Variants in BCAT1 observed in about 807,000 individuals in gnomAD.
BCAT1 encodes the protein branched-chain-amino-acid aminotransferase, cytosolic.
BCAT1 carries 48 observed loss-of-function variants against 52.4 expected under a neutral mutation model. The ratio of observed to expected loss-of-function variants is 0.92; its 90% confidence interval spans 0.73 to 1.16. The LOEUF is 1.16. Among genes scored for constraint, BCAT1 ranks in the 50% most tolerant of loss-of-function variants. The pLI is 0.00. For missense variants in BCAT1, 451 were observed against 457.1 expected, an observed-to-expected ratio of 0.99 and a Z score of 0.12; for synonymous variants, 167 against 161.3, an observed-to-expected ratio of 1.04 and a Z score of -0.27.
At chr12:24,905,653 C>T (rs1943213359) in intron 1 of BCAT1, among the ~76,000 whole-genome samples, 1 of 152,168 alleles carries the variant, frequency 6.6e-6, no homozygotes, top group Non-Finnish European at 1.5e-5. Flanking sequence ...TATTAGTCAG[C>T]AACAGCTGAA....
chr12:24,943,729 A>G lies in BCAT1; in HGVS notation c.6+5198T>C, dbSNP rs554131427. 3.9e-5 allele frequency among the ~76,000 whole-genome samples: 6 copies of G among 152,316 alleles called. No homozygotes were observed. The South Asian group carries it at 6.2e-4, about 16-fold the overall frequency. On this transcript the variant is annotated intron_variant, in intron 1 of 10. Coordinates refer to ENST00000261192, the MANE Select transcript of BCAT1 (RefSeq NM_005504.7). ...GCCGGGAGCGGTGGCTCACGCCTGT[A>G]ATCCCAGCACCTTGGGTGGCCGAGG...
intron 6 of BCAT1, among the ~76,000 whole-genome samples, chr12:24,848,383 TG>T: frequency 6.6e-6 from 1 of 152,344 alleles, no homozygotes; most frequent in South Asian, 2.1e-4. Context: ...TGTGTGGTAC[TG>T]AAAACATTAA....
intron 5 of BCAT1, among the ~76,000 whole-genome samples, chr12:24,856,265 C>T (rs1205769299): frequency 6.6e-6 from 1 of 152,168 alleles, no homozygotes; most frequent in African/African-American, 2.4e-5. Context: ...CCTCTACACA[C>T]CCCACGCTCA....
At chr12:24,931,785 T>A (rs956863438) in intron 1 of BCAT1, among the ~76,000 whole-genome samples, 1 of 152,164 alleles carries the variant, frequency 6.6e-6, no homozygotes, top group Non-Finnish European at 1.5e-5. Flanking sequence ...AACTAGAGCA[T>A]ACGTGCAACA....
In BCAT1 at chr12:24,874,516, T is replaced by A. The variant is rs139183381; in HGVS notation, c.510+4014A>T. On this transcript the variant is annotated intron_variant, in intron 5 of 10. Transcript: ENST00000261192. The stretch of plus-strand genomic sequence containing the variant: ...TATATCAGGGCCTATGGAAGTGAAC[T>A]CAACACTGCCATTAGGATGAAGTTT... Among the ~76,000 whole-genome samples, 1,190 of 152,332 alleles carry A rather than the reference T, an allele frequency of 7.8e-3. 14 individuals are homozygous for A. Among genetic ancestry groups the A allele is most frequent in the African/African-American group, 0.027 (1,106 of 41,572 alleles).
intron 1 of BCAT1, among the ~76,000 whole-genome samples, chr12:24,912,287 G>A (rs192938288): frequency 3.7e-4 from 56 of 152,082 alleles, no homozygotes; most frequent in African/African-American, 1.3e-3. Context: ...GGCCGAGGCG[G>A]GCGGATCACG....
intron 3 of BCAT1, among the ~76,000 whole-genome samples, chr12:24,885,748 A>G (rs1382399369): frequency 6.6e-6 from 1 of 152,200 alleles, no homozygotes; most frequent in Non-Finnish European, 1.5e-5. Flanking sequence ...ACTCATGTGT[A>G]CATGACAAAG....
At chr12:24,829,715 T>C in intron 10 of BCAT1, 108 bp downstream of exon 10, 1 of 919,928 alleles carries the variant, frequency 1.1e-6, no homozygotes, top group East Asian at 2.7e-5. Flanking sequence ...TTGTATTATT[T>C]AATCCTCTTC....
chr12:24,855,306 T>TAAAAAAAAAAA, intron 5 of BCAT1, among the ~76,000 whole-genome samples: 1 of 108,290 alleles, frequency 9.2e-6, no homozygotes, highest in African/African-American at 3.4e-5. Flanking sequence ...CAGGAGCAGT[T>TAAAAAAAAAAA]AAAAAAAAAA....
intron 5 of BCAT1, among the ~76,000 whole-genome samples, chr12:24,867,314 A>G (rs928432589): frequency 6.7e-6 from 1 of 149,238 alleles, no homozygotes; most frequent in African/African-American, 2.5e-5. Flanking sequence ...ATACGCTACC[A>G]TGTTTTACAG....
At chr12:24,830,227 T>G in intron 9 of BCAT1, 1 of 194,162 alleles carries the variant, frequency 5.2e-6, no homozygotes, top group South Asian at 1.9e-4. Flanking sequence ...TAAAGAACCC[T>G]ACCTCTTCCA....
chr12:24,830,187 G>A, intron 9 of BCAT1: 1 of 273,062 alleles, frequency 3.7e-6, no homozygotes, highest in Non-Finnish European at 6.8e-6. Context: ...CCAAGGAGGA[G>A]CTACAGTTAC....
At chr12:24,873,781 T>C (rs911425734) in intron 5 of BCAT1, among the ~76,000 whole-genome samples, 1 of 152,206 alleles carries the variant, frequency 6.6e-6, no homozygotes, top group African/African-American at 2.4e-5. Context: ...TTTTGGAGTA[T>C]TCTGAATTTC....
At chr12:24,856,000 T>C (rs1941669609) in intron 5 of BCAT1, among the ~76,000 whole-genome samples, 1 of 152,176 alleles carries the variant, frequency 6.6e-6, no homozygotes, top group Admixed American at 6.5e-5. Context: ...TGGATTTACC[T>C]GTAACCTGTA....
chr12:24,899,820 C>T (rs1943048626), intron 2 of BCAT1, among the ~76,000 whole-genome samples: 1 of 145,214 alleles, frequency 6.9e-6, no homozygotes, highest in African/African-American at 2.5e-5. Flanking sequence ...CATGTTCTCA[C>T]TCATACGTGA....
chr12:24,848,621 A>G (rs1202408656), intron 6 of BCAT1, among the ~76,000 whole-genome samples: 1 of 152,192 alleles, frequency 6.6e-6, no homozygotes, highest in Non-Finnish European at 1.5e-5. Context: ...TTTACTCTCT[A>G]TATATGGTAT....
rs3044287 is a variant in BCAT1, at chr12:24,892,059, TTTTTG to T, written c.279+2211_279+2215del. Among the ~76,000 whole-genome samples the T allele has an allele frequency of 6.0e-3, 874 of 144,550 alleles. 3 individuals carry two copies. Among genetic ancestry groups the T allele is most frequent in the African/African-American group, 0.02 (783 of 39,336 alleles). 94.8% of individuals were successfully genotyped at this position (144,550 alleles called of 152,430 possible). A position where few individuals can be genotyped will look rare whatever the true frequency, so the allele number is the denominator to read the frequency against. ...GGCGTGAGCCACCTCGCCTGGCCGT[TTTTTG>T]TTTTGTTTTGTTTTGTTTTGTTTTG... is the stretch of plus-strand genomic sequence containing the variant. On this transcript the variant is annotated intron_variant, in intron 3 of 10. Coordinates refer to ENST00000261192, the MANE Select transcript of BCAT1 (RefSeq NM_005504.7).
chr12:24,834,508 G>C (rs761571972), intron 8 of BCAT1: 58 of 975,754 alleles, frequency 5.9e-5, no homozygotes, highest in Non-Finnish European at 6.7e-5. Context: ...TTTGAATAAA[G>C]GGCAATAAAA....
At chr12:24,911,280 A>G (rs1943321372) in intron 1 of BCAT1, among the ~76,000 whole-genome samples, 1 of 152,160 alleles carries the variant, frequency 6.6e-6, no homozygotes, top group African/African-American at 2.4e-5. Flanking sequence ...TGCAAAGATT[A>G]TCAGTTAACA....
Sources: allele counts gnomAD v4.1 joint callset (sites outside exome capture counted in the v4.1 genomes callset), GRCh38; gene constraint gnomAD v4.1.1; transcripts MANE v1.5; gene names NCBI Gene and HGNC (gene_info 2026-07-23, HGNC 2026-07-21).